Variants in GNAI1 observed in about 807,000 individuals in gnomAD.
GNAI1 encodes guanine nucleotide-binding protein G(i) subunit alpha-1.
Under a neutral mutation model 38.9 loss-of-function variants are expected in GNAI1, and 11 were observed. That is an observed-to-expected ratio of 0.28 (90% CI 0.18 to 0.47). The LOEUF is 0.47. Among genes scored for constraint, GNAI1 ranks in the 20% least tolerant of loss-of-function variants. GNAI1 has a pLI of 0.99. For synonymous variants in GNAI1, 166 were observed against 145.1 expected, an observed-to-expected ratio of 1.14 and a Z score of -1.04; for missense variants, 317 against 436.9, an observed-to-expected ratio of 0.73 and a Z score of 2.45.
At chr7:80,160,709 G>T (rs1787909409) in intron 1 of GNAI1, among the ~76,000 whole-genome samples, 1 of 152,190 alleles carries the variant, frequency 6.6e-6, no homozygotes, top group African/African-American at 2.4e-5. Context: ...AATTGTTGAT[G>T]TAGTCCATTA....
In GNAI1 at chr7:80,218,219, T is replaced by C. The variant is rs1789007610; in HGVS notation, c.*726T>C. 1 of 152,174 alleles carries C rather than the reference T, an allele frequency of 6.6e-6. No homozygotes were observed. The highest frequency in any genetic ancestry group is 2.4e-5 in the African/African-American group (1 of 41,448). The allele number at this position is 152,174 out of a possible 1,614,324, so 9.4% of individuals were successfully genotyped here. On this transcript the variant is annotated 3_prime_UTR_variant, in exon 8 of 8. Coordinates refer to ENST00000649796, the MANE Select transcript of GNAI1 (RefSeq NM_002069.6). ...ATTTTACATTAGATTCCACGTTAGA[T>C]TTGGTTTGAAAAACTAAAATTTCAG...
intron 7 of GNAI1, among the ~76,000 whole-genome samples, chr7:80,216,899 T>G (rs1349941517): frequency 6.6e-6 from 1 of 152,102 alleles, no homozygotes; most frequent in Non-Finnish European, 1.5e-5. Flanking sequence ...AAAATACTGA[T>G]CAGCATTCAG....
At chr7:80,175,345 AAT>A (rs995886493) in intron 1 of GNAI1, among the ~76,000 whole-genome samples, 2 of 149,886 alleles carry the variant, frequency 1.3e-5, no homozygotes, top group Non-Finnish European at 3.0e-5. Context: ...GAAATTAAAA[AAT>A]ATATATGTGT....
intron 4 of GNAI1, among the ~76,000 whole-genome samples, chr7:80,199,626 G>C (rs1788644510): frequency 6.6e-6 from 1 of 152,138 alleles, no homozygotes. Flanking sequence ...TTGAAACATG[G>C]AGAATGGTAC....
rs147448354 is a variant in GNAI1, at chr7:80,222,676, C to G, written c.*5183C>G. ...TGCTGGGATTACAGGTGTGAGCCAC[C>G]GCACCTGGCCAAAATATTTTTAATT... On this transcript the variant is annotated 3_prime_UTR_variant, in exon 8 of 8. Transcript: ENST00000649796. 6.6e-6 allele frequency among the ~76,000 whole-genome samples: 1 copy of G among 151,914 alleles called. No individual in the cohort carries two copies. The highest frequency in any genetic ancestry group is 2.4e-5 in the African/African-American group (1 of 41,354).
intron 1 of GNAI1, among the ~76,000 whole-genome samples, chr7:80,179,760 A>G (rs1788257951): frequency 6.6e-6 from 1 of 152,156 alleles, no homozygotes; most frequent in Admixed American, 6.6e-5. Context: ...ACTGGTGGTG[A>G]TTTACCCAGT....
At chr7:80,167,106 T>C (rs1788022968) in intron 1 of GNAI1, among the ~76,000 whole-genome samples, 1 of 152,330 alleles carries the variant, frequency 6.6e-6, no homozygotes, top group Middle Eastern at 3.4e-3. Context: ...GGTGGTTTCA[T>C]AGACTTCTTA....
At chr7:80,172,756 G>A (rs1788118088) in intron 1 of GNAI1, among the ~76,000 whole-genome samples, 1 of 152,152 alleles carries the variant, frequency 6.6e-6, no homozygotes, top group Non-Finnish European at 1.5e-5. Flanking sequence ...TTAGCAGCTT[G>A]CCTTACTTAT....
chr7:80,136,880 C>G (rs1376467960), intron 1 of GNAI1, among the ~76,000 whole-genome samples: 3 of 152,130 alleles, frequency 2.0e-5, no homozygotes, highest in African/African-American at 7.2e-5. Flanking sequence ...TAGGGATGGA[C>G]TAGAATAAAG....
intron 1 of GNAI1, among the ~76,000 whole-genome samples, chr7:80,151,154 C>CT (rs1330070871): frequency 6.6e-6 from 1 of 152,208 alleles, no homozygotes; most frequent in Non-Finnish European, 1.5e-5. Flanking sequence ...GATATCCTTG[C>CT]TTATGTTCCT....
At chr7:80,179,348 G>A (rs886785498) in intron 1 of GNAI1, among the ~76,000 whole-genome samples, 3 of 152,114 alleles carry the variant, frequency 2.0e-5, no homozygotes, top group African/African-American at 7.2e-5. Context: ...TTCAGTAAAC[G>A]CTGGATGGGG....
At chr7:80,175,364 A>ATGTGTGTGTGTGTGTGTGTGTG (rs71518972) in intron 1 of GNAI1, among the ~76,000 whole-genome samples, 5 of 150,372 alleles carry the variant, frequency 3.3e-5, no homozygotes, top group Non-Finnish European at 5.9e-5. Flanking sequence ...GTGTATATTT[A>ATGTGTGTGTGTGTGTGTGTGTG]TGTGTGTGTG....
At chr7:80,162,121 G>C (rs1248432971) in intron 1 of GNAI1, among the ~76,000 whole-genome samples, 3 of 152,076 alleles carry the variant, frequency 2.0e-5, no homozygotes, top group Non-Finnish European at 4.4e-5. Context: ...GGGCATGAAG[G>C]GACCTTGAGT....
chr7:80,160,759 G>A, intron 1 of GNAI1, among the ~76,000 whole-genome samples: 1 of 152,084 alleles, frequency 6.6e-6, no homozygotes, highest in Non-Finnish European at 1.5e-5. Flanking sequence ...TTATTAAGGA[G>A]AGTATTTTGG....
chr7:80,186,743 C>T (rs947793339), intron 1 of GNAI1, among the ~76,000 whole-genome samples: 11 of 152,002 alleles, frequency 7.2e-5, no homozygotes, highest in Non-Finnish European at 4.4e-5. Flanking sequence ...CTAGAGTGTC[C>T]CATCATCACA....
chr7:80,140,059 C>CT lies in GNAI1; in HGVS notation c.118+4782dup, dbSNP rs1787498627. Among the ~76,000 whole-genome samples the CT allele has an allele frequency of 3.3e-5, 5 of 150,846 alleles. No individual in the cohort carries two copies. The South Asian group carries it at 1.0e-3, about 32-fold the overall frequency. ...AGTGCAGTGGCGCAGTCTCCGCTCA[C>CT]TGCAAGCTCCGCCTCCCGGGTTCAC... On this transcript the variant is annotated intron_variant, in intron 1 of 7. Transcript: ENST00000649796.
In GNAI1 at chr7:80,181,826, ATAAT is replaced by A. The variant is rs572261273; in HGVS notation, c.119-7121_119-7118del. ...GATGTTTTACTATATGGGTACGTAA[ATAAT>A]TAAGTCAGGCTAATTAACGTATCCA... On this transcript the variant is annotated intron_variant, in intron 1 of 7. Coordinates refer to ENST00000649796, the MANE Select transcript of GNAI1 (RefSeq NM_002069.6). Among the ~76,000 whole-genome samples the A allele has an allele frequency of 2.5e-3, 380 of 152,324 alleles. 3 individuals carry two copies. The highest frequency in any genetic ancestry group is 8.9e-3 in the African/African-American group (371 of 41,574).
intron 1 of GNAI1, among the ~76,000 whole-genome samples, chr7:80,170,478 C>T (rs937655565): frequency 5.9e-5 from 9 of 152,138 alleles, no homozygotes; most frequent in African/African-American, 2.2e-4. Context: ...TAGTCCATTC[C>T]TGCACTGCTA....
chr7:80,161,597 A>G (rs968909510), intron 1 of GNAI1, among the ~76,000 whole-genome samples: 1 of 152,196 alleles, frequency 6.6e-6, no homozygotes, highest in Non-Finnish European at 1.5e-5. Context: ...TTAGCAGTGC[A>G]TTATGCATTA....
Sources: allele counts gnomAD v4.1 joint callset (sites outside exome capture counted in the v4.1 genomes callset), GRCh38; gene constraint gnomAD v4.1.1; transcripts MANE v1.5; gene names NCBI Gene and HGNC (gene_info 2026-07-23, HGNC 2026-07-21).